DTNBP1: variants seen among roughly 807,000 people sequenced by gnomAD.
DTNBP1 encodes dysbindin.
DTNBP1 carries 35 observed loss-of-function variants against 42.8 expected under a neutral mutation model. The observed-to-expected ratio is 0.82, with a 90% CI of 0.63 to 1.09. The LOEUF (loss-of-function observed/expected upper bound fraction) is 1.09. DTNBP1 is among the 50% of genes least tolerant of loss of function. DTNBP1 has a pLI of 0.00. For synonymous variants in DTNBP1, 171 were observed against 162.2 expected, an observed-to-expected ratio of 1.05 and a Z score of -0.41; for missense variants, 457 against 424.2, an observed-to-expected ratio of 1.08 and a Z score of -0.68.
intron 2 of DTNBP1, 66 bp from the exon 3 acceptor site, chr6:15,651,429 C>T (rs1194053903): frequency 2.0e-5 from 30 of 1,534,928 alleles, no homozygotes; most frequent in Non-Finnish European, 2.7e-5. Flanking sequence ...AAAAAAGGTA[C>T]ATACAAGAAT....
chr6:15,522,982 T>C lies in DTNBP1; in HGVS notation c.1049A>G (p.Asp350Gly), dbSNP rs1772003084. The C allele has an allele frequency of 6.2e-7, 1 of 1,614,002 alleles. No individual in the cohort carries two copies. Among genetic ancestry groups the C allele is most frequent in the Admixed American group, 1.7e-5 (1 of 59,996 alleles). The change falls in exon 10 of 10, where the codon GAC (aspartate) becomes GGC (glycine). Residue 350 changes from aspartate to glycine, a missense_variant. Transcript: ENST00000344537. ...EATPDGGEDSDS is the reference protein window; with the variant it reads ...EATPDGGEDSGS ...CAACGCCCATGTCCCAATTTAAGAGTCGCTGTCCTCACCACCATCCGGAGT... is the reference window on the plus strand; with the variant it reads ...CAACGCCCATGTCCCAATTTAAGAGCCGCTGTCCTCACCACCATCCGGAGT...
chr6:15,527,633 G>A (rs779100974), intron 8 of DTNBP1, among the ~76,000 whole-genome samples: 7 of 152,084 alleles, frequency 4.6e-5, no homozygotes, highest in Non-Finnish European at 7.4e-5. Context: ...CAAAGAAAGC[G>A]ACACTGAAGA....
chr6:15,571,001 TTA>T (rs1158074383), intron 7 of DTNBP1, among the ~76,000 whole-genome samples: 5 of 152,192 alleles, frequency 3.3e-5, no homozygotes, highest in African/African-American at 7.2e-5. Flanking sequence ...CATTAAGAAA[TTA>T]TGTTATTTTT....
At chr6:15,638,830 G>C (rs1760174706) in intron 3 of DTNBP1, among the ~76,000 whole-genome samples, 1 of 138,566 alleles carries the variant, frequency 7.2e-6, no homozygotes, top group Non-Finnish European at 1.5e-5. Context: ...AAACATAATT[G>C]GCCAGTACTT....
intron 4 of DTNBP1, among the ~76,000 whole-genome samples, chr6:15,634,376 GCTC>G (rs371797643): frequency 6.6e-6 from 1 of 152,106 alleles, no homozygotes; most frequent in Non-Finnish European, 1.5e-5. Context: ...GAGTGCGGTG[GCTC>G]AATCTCAGCT....
intron 2 of DTNBP1, 71 bp from the exon 3 acceptor site, chr6:15,651,434 A>G (rs945319253): frequency 1.3e-6 from 2 of 1,567,370 alleles, no homozygotes; most frequent in Admixed American, 1.7e-5. Flanking sequence ...AGGTACATAC[A>G]AGAATTTTGA....
intron 7 of DTNBP1, among the ~76,000 whole-genome samples, chr6:15,568,524 A>T (rs1272079020): frequency 6.6e-6 from 1 of 152,174 alleles, no homozygotes; most frequent in Non-Finnish European, 1.5e-5. Flanking sequence ...AACAACATGG[A>T]TTTGAACTGG....
intron 7 of DTNBP1, among the ~76,000 whole-genome samples, chr6:15,541,981 T>TA (rs774213330): frequency 6.6e-6 from 1 of 152,124 alleles, no homozygotes. Context: ...TTCAAAATGT[T>TA]AAAAGAGAAA....
intron 4 of DTNBP1, among the ~76,000 whole-genome samples, chr6:15,631,478 G>T (rs908447384): frequency 1.3e-5 from 2 of 152,054 alleles, no homozygotes; most frequent in African/African-American, 4.8e-5. Flanking sequence ...ATTTAACATG[G>T]GATTCATACA....
chr6:15,618,230 A>G (rs2113710859), intron 5 of DTNBP1, among the ~76,000 whole-genome samples: 1 of 152,338 alleles, frequency 6.6e-6, no homozygotes, highest in East Asian at 1.9e-4. Context: ...AAGAAGGTAC[A>G]TGAATGGCCA....
intron 8 of DTNBP1, among the ~76,000 whole-genome samples, chr6:15,526,791 T>C (rs1581695092): frequency 6.6e-6 from 1 of 152,206 alleles, no homozygotes; most frequent in South Asian, 2.1e-4. Context: ...TTTTGAAAGT[T>C]TGTCTGTGCC....
At chr6:15,561,702 T>C (rs1298720223) in intron 7 of DTNBP1, among the ~76,000 whole-genome samples, 1 of 152,158 alleles carries the variant, frequency 6.6e-6, no homozygotes, top group African/African-American at 2.4e-5. Flanking sequence ...AGGGGCTGGG[T>C]AAAATGACCT....
rs539758503 is a variant in DTNBP1, at chr6:15,657,192, T to C, written c.57-5052A>G. 9.1e-4 allele frequency among the ~76,000 whole-genome samples: 138 copies of C among 152,296 alleles called. 1 individual carries two copies. Among genetic ancestry groups the C allele is most frequent in the Non-Finnish European group, 1.7e-3 (113 of 68,014 alleles). On this transcript the variant is annotated intron_variant, in intron 1 of 9. Coordinates refer to ENST00000344537, the MANE Select transcript of DTNBP1 (RefSeq NM_032122.5). ...GCCTTTATCCTAAGTCCCAAATACATGGCTTCAAGTTCTCACTTCTCACCT... is the reference window on the plus strand; with the variant it reads ...GCCTTTATCCTAAGTCCCAAATACACGGCTTCAAGTTCTCACTTCTCACCT...
intron 7 of DTNBP1, among the ~76,000 whole-genome samples, chr6:15,561,300 C>T (rs1774829758): frequency 6.6e-6 from 1 of 152,194 alleles, no homozygotes; most frequent in Non-Finnish European, 1.5e-5. Context: ...TCATGGAAAG[C>T]CTTCTTATTT....
chr6:15,656,378 C>T (rs762528047), intron 1 of DTNBP1, among the ~76,000 whole-genome samples: 4 of 152,128 alleles, frequency 2.6e-5, no homozygotes, highest in East Asian at 1.9e-4. Flanking sequence ...ACCTCAAATT[C>T]GTCATAAAGT....
chr6:15,557,777 T>C (rs1416743789), intron 7 of DTNBP1, among the ~76,000 whole-genome samples: 2 of 152,212 alleles, frequency 1.3e-5, no homozygotes, highest in African/African-American at 4.8e-5. Flanking sequence ...TTTTAAAATC[T>C]TTATCATTTT....
chr6:15,560,152 A>G (rs1774761870), intron 7 of DTNBP1, among the ~76,000 whole-genome samples: 1 of 152,138 alleles, frequency 6.6e-6, no homozygotes, highest in Non-Finnish European at 1.5e-5. Flanking sequence ...TAAAAATACA[A>G]AAAATTAGCT....
intron 7 of DTNBP1, among the ~76,000 whole-genome samples, chr6:15,564,444 A>G (rs1205885160): frequency 2.0e-5 from 3 of 152,036 alleles, no homozygotes; most frequent in Middle Eastern, 3.4e-3. Flanking sequence ...GTCTCACTCT[A>G]TTGCCCAGGC....
intron 7 of DTNBP1, among the ~76,000 whole-genome samples, chr6:15,535,762 G>A (rs1773192962): frequency 6.6e-6 from 1 of 152,196 alleles, no homozygotes; most frequent in African/African-American, 2.4e-5. Flanking sequence ...AGTCTGGAGG[G>A]CTCAGAAAAA....
Sources: gnomAD v4.1 joint callset for allele counts (sites outside exome capture counted in the v4.1 genomes callset) on GRCh38, gnomAD v4.1.1 for gene constraint, MANE v1.5 for transcripts, NCBI Gene and HGNC (gene_info 2026-07-23, HGNC 2026-07-21) for gene names.